The following NTF3 variants were observed in gnomAD, a reference collection of about 807,000 sequenced individuals.
NTF3 encodes neurotrophin 3.
In NTF3, 8 loss-of-function variants were observed where a neutral mutation model predicts 26.3. The observed-to-expected ratio is 0.30, with a 90% CI of 0.18 to 0.55. The LOEUF is 0.55. Among genes scored for constraint, NTF3 ranks in the 20% least tolerant of loss-of-function variants. The probability of loss-of-function intolerance (pLI) is 0.93; values close to 1 mark genes in which losing one functional copy is unlikely to be tolerated. For synonymous variants in NTF3, 154 were observed against 145.5 expected, an observed-to-expected ratio of 1.06 and a Z score of -0.42; for missense variants, 276 against 352.9, an observed-to-expected ratio of 0.78 and a Z score of 1.75.
chr12:5,453,905 C>T (rs1034079599), intron 1 of NTF3, among the ~76,000 whole-genome samples: 4 of 152,202 alleles, frequency 2.6e-5, no homozygotes, highest in African/African-American at 9.7e-5. Context: ...CCAAGGTATA[C>T]ATGATTTGGC....
chr12:5,480,745 A>T (rs189978463), intron 1 of NTF3, among the ~76,000 whole-genome samples: 1 of 132,276 alleles, frequency 7.6e-6, no homozygotes, highest in East Asian at 2.7e-4. Flanking sequence ...GCCGAGAGTG[A>T]CCGACATATG....
At chr12:5,489,673 C>T (rs373181646) in intron 1 of NTF3, among the ~76,000 whole-genome samples, 5 of 152,200 alleles carry the variant, frequency 3.3e-5, no homozygotes, top group South Asian at 2.1e-4. Flanking sequence ...TTTAGGTACA[C>T]GGTCAGGAGG....
chr12:5,471,312 G>A (rs574696030), intron 1 of NTF3, among the ~76,000 whole-genome samples: 15 of 152,242 alleles, frequency 9.9e-5, no homozygotes, highest in Admixed American at 7.2e-4. Flanking sequence ...TTTCCTTGTC[G>A]GGCTTTAGTT....
chr12:5,439,743 G>T (rs569093256), intron 1 of NTF3, among the ~76,000 whole-genome samples: 2 of 152,220 alleles, frequency 1.3e-5, no homozygotes, highest in Non-Finnish European at 2.9e-5. Context: ...GAGGTGGTAG[G>T]TCCCAGCATT....
chr12:5,445,382 A>AT (rs1475660988), intron 1 of NTF3, among the ~76,000 whole-genome samples: 6 of 150,836 alleles, frequency 4.0e-5, no homozygotes, highest in African/African-American at 4.9e-5. Flanking sequence ...GCTACTGAAC[A>AT]TTTTTTTTGT....
intron 1 of NTF3, among the ~76,000 whole-genome samples, chr12:5,492,397 G>A (rs1379041277): frequency 1.3e-5 from 2 of 152,200 alleles, no homozygotes; most frequent in Non-Finnish European, 2.9e-5. Flanking sequence ...TTTTATTGCA[G>A]CTGTATTATT....
At chr12:5,493,224 C>T (rs1322823342) in intron 1 of NTF3, among the ~76,000 whole-genome samples, 1 of 152,218 alleles carries the variant, frequency 6.6e-6, no homozygotes, top group African/African-American at 2.4e-5. Flanking sequence ...ACCAGGACGC[C>T]ACCGGAGTCC....
Position 5,460,742 on chromosome 12 carries a change from C to T in NTF3, c.18+28400C>T, listed in dbSNP as rs141823340. On this transcript the variant is annotated intron_variant, in intron 1 of 1. Coordinates refer to ENST00000423158, the MANE Select transcript of NTF3 (RefSeq NM_001102654.2). Reference sequence around the variant, plus strand: ...GTTTTAACCTCATTCTCCCCTCTTTCCACAATAAACTGGATCAGAACCAGC... The same window carrying T: ...GTTTTAACCTCATTCTCCCCTCTTTTCACAATAAACTGGATCAGAACCAGC... 2.6e-3 allele frequency among the ~76,000 whole-genome samples: 401 copies of T among 152,348 alleles called. 1 individual carries two copies. The highest frequency in any genetic ancestry group is 0.01 in the Middle Eastern group (3 of 294).
At chr12:5,480,278 C>G (rs1208763024) in intron 1 of NTF3, among the ~76,000 whole-genome samples, 1 of 152,090 alleles carries the variant, frequency 6.6e-6, no homozygotes, top group East Asian at 1.9e-4. Context: ...GCATTCGCAA[C>G]GGGAACATTG....
intron 1 of NTF3, among the ~76,000 whole-genome samples, chr12:5,442,171 GAA>G (rs1940245954): frequency 6.6e-6 from 1 of 152,202 alleles, no homozygotes; most frequent in Non-Finnish European, 1.5e-5. Flanking sequence ...GAGAACAAGG[GAA>G]GCAAGGAAGA....
At chr12:5,464,836 C>T (rs1940569452) in intron 1 of NTF3, among the ~76,000 whole-genome samples, 1 of 152,048 alleles carries the variant, frequency 6.6e-6, no homozygotes, top group Non-Finnish European at 1.5e-5. Flanking sequence ...GTTTACATCC[C>T]AGGGTTGGGG....
chr12:5,449,760 C>T (rs920069556), intron 1 of NTF3, among the ~76,000 whole-genome samples: 1 of 152,170 alleles, frequency 6.6e-6, no homozygotes, highest in Non-Finnish European at 1.5e-5. Flanking sequence ...TTTGTGAAAC[C>T]CCAGGATAAT....
chr12:5,477,663 C>T (rs1940741174), intron 1 of NTF3, among the ~76,000 whole-genome samples: 1 of 152,178 alleles, frequency 6.6e-6, no homozygotes, highest in African/African-American at 2.4e-5. Flanking sequence ...GTTATCATCA[C>T]TATTGATGCT....
intron 1 of NTF3, among the ~76,000 whole-genome samples, chr12:5,434,805 C>A (rs1170696507): frequency 2.6e-5 from 4 of 150,986 alleles, no homozygotes; most frequent in African/African-American, 9.8e-5. Flanking sequence ...AGGTTGGGCG[C>A]CTGAGGATTA....
intron 1 of NTF3, among the ~76,000 whole-genome samples, chr12:5,485,767 G>A (rs1013334155): frequency 3.9e-5 from 6 of 152,190 alleles, no homozygotes; most frequent in African/African-American, 1.4e-4. Context: ...TGTTTATTAA[G>A]TGCCTACCAC....
intron 1 of NTF3, among the ~76,000 whole-genome samples, chr12:5,440,106 C>T (rs80028698): frequency 3.3e-5 from 5 of 152,182 alleles, no homozygotes; most frequent in Admixed American, 3.3e-4. Context: ...AGGCTCATTC[C>T]TTCTTCCTCC....
At chr12:5,483,191 CTCTT>C (rs993801950) in intron 1 of NTF3, among the ~76,000 whole-genome samples, 1 of 150,982 alleles carries the variant, frequency 6.6e-6, no homozygotes, top group African/African-American at 2.4e-5. Flanking sequence ...CCCAGTCTCT[CTCTT>C]TCTATCTCTC....
chr12:5,479,622 C>G (rs963791351), intron 1 of NTF3, among the ~76,000 whole-genome samples: 15 of 152,152 alleles, frequency 9.9e-5, no homozygotes, highest in Admixed American at 3.9e-4. Flanking sequence ...ACTTTTAGCC[C>G]ATCCCTCACC....
At chr12:5,491,070 A>C (rs1940930511) in intron 1 of NTF3, among the ~76,000 whole-genome samples, 2 of 152,196 alleles carry the variant, frequency 1.3e-5, no homozygotes, top group Non-Finnish European at 2.9e-5. Context: ...TGCACAAGCC[A>C]TGTGATTTTT....
Sources: allele counts gnomAD v4.1 joint callset (sites outside exome capture counted in the v4.1 genomes callset), GRCh38; gene constraint gnomAD v4.1.1; transcripts MANE v1.5; gene names NCBI Gene and HGNC (gene_info 2026-07-23, HGNC 2026-07-21).